The following CSMD1 variants were observed in gnomAD, a reference collection of about 807,000 sequenced individuals.
The protein encoded by CSMD1 is CUB and Sushi multiple domains 1.
Under a neutral mutation model 417.5 loss-of-function variants are expected in CSMD1, and 213 were observed. The observed-to-expected ratio is 0.51, with a 90% CI of 0.46 to 0.57. CSMD1 has a LOEUF of 0.57. CSMD1 is among the 20% of genes least tolerant of loss of function. The pLI, the probability that CSMD1 is intolerant of heterozygous loss-of-function variation, is 0.00. For missense variants in CSMD1, 6,923 were observed against 4,529.7 expected (o/e 1.53, Z -15.17); for synonymous variants, 2,862 against 1,736.8 (o/e 1.65, Z -16.11).
chr8:4,323,978 C>CA (rs767266256), intron 3 of CSMD1, among the ~76,000 whole-genome samples: 1 of 152,156 alleles, frequency 6.6e-6, no homozygotes, highest in African/African-American at 2.4e-5. Flanking sequence ...CCTGCTGCCT[C>CA]AAGGACTTCA....
chr8:3,297,476 TAAATG>T (rs1490833685), intron 25 of CSMD1, among the ~76,000 whole-genome samples: 4 of 152,272 alleles, frequency 2.6e-5, no homozygotes, highest in Non-Finnish European at 2.9e-5. Flanking sequence ...AGCAAATAGA[TAAATG>T]AAATGGAATA....
At chr8:4,983,125 C>T (rs1810988962) in intron 1 of CSMD1, among the ~76,000 whole-genome samples, 1 of 152,128 alleles carries the variant, frequency 6.6e-6, no homozygotes, top group Non-Finnish European at 1.5e-5. Flanking sequence ...GAAACAGAAA[C>T]ACAATTGAAT....
intron 3 of CSMD1, among the ~76,000 whole-genome samples, chr8:4,381,884 C>T (rs1803129862): frequency 1.3e-5 from 2 of 151,980 alleles, no homozygotes; most frequent in African/African-American, 4.8e-5. Context: ...CTTTTTGGTT[C>T]CCTGCTATAC....
chr8:4,629,881 A>C lies in CSMD1; in HGVS notation c.302+7461T>G, dbSNP rs573740445. Among the ~76,000 whole-genome samples, 18 of 152,236 alleles carry C rather than the reference A, an allele frequency of 1.2e-4. No homozygotes were observed. In the South Asian group the frequency reaches 1.7e-3, roughly 14 times the overall value. On this transcript the variant is annotated intron_variant, in intron 2 of 69. Coordinates refer to ENST00000635120, the MANE Select transcript of CSMD1 (RefSeq NM_033225.6). ...TTGTTCTTCTGTTCCCTTTGTGTAA[A>C]TCTGAATGCTTTTCCTTAGGCTTTA...
At chr8:4,694,647 G>C (rs1314349653) in intron 1 of CSMD1, among the ~76,000 whole-genome samples, 2 of 152,006 alleles carry the variant, frequency 1.3e-5, no homozygotes, top group Non-Finnish European at 2.9e-5. Context: ...ACAGCCGTGA[G>C]TCACCGCGCC....
At chr8:4,054,935 A>G (rs2740881) in intron 3 of CSMD1, among the ~76,000 whole-genome samples, 126,875 of 152,140 alleles carry the variant, frequency 0.83, 53,344 homozygotes, top group South Asian at 0.93. Context: ...TTAAATCAAT[A>G]AAGTACAAAG....
intron 2 of CSMD1, among the ~76,000 whole-genome samples, chr8:4,495,783 T>G (rs530228123): frequency 6.6e-6 from 1 of 152,212 alleles, no homozygotes; most frequent in Non-Finnish European, 1.5e-5. Flanking sequence ...CAAATATACT[T>G]TCTTAATAGC....
intron 5 of CSMD1, among the ~76,000 whole-genome samples, chr8:3,992,123 T>C (rs1341527200): frequency 4.2e-5 from 6 of 142,682 alleles, no homozygotes; most frequent in Non-Finnish European, 7.9e-5. Context: ...TGTGTATATA[T>C]ATGTGTGTGT....
At position 4,078,940 on chromosome 8, in the gene CSMD1, TA is replaced by T. The variant is rs1799980432; in HGVS notation, c.416-46842del. 2.8e-4 allele frequency among the ~76,000 whole-genome samples: 4 copies of T among 14,052 alleles called. No individual in the cohort carries two copies. In the East Asian group the frequency reaches 9.1e-3, roughly 32 times the overall value. The allele number at this position is 14,052 out of a possible 152,430, so 9.2% of individuals were successfully genotyped here. A position where few individuals can be genotyped will look rare whatever the true frequency, so the allele number is the denominator to read the frequency against. On this transcript the variant is annotated intron_variant, in intron 3 of 69. Transcript: ENST00000635120. ...ATATATATATATATATATATATATATATGTATGTTGAAAAGCTATCTTCTCT... is the reference window on the plus strand; with the variant it reads ...ATATATATATATATATATATATATATTGTATGTTGAAAAGCTATCTTCTCT...
At chr8:4,010,338 T>G (rs1816447493) in intron 4 of CSMD1, among the ~76,000 whole-genome samples, 1 of 152,238 alleles carries the variant, frequency 6.6e-6, no homozygotes, top group South Asian at 2.1e-4. Flanking sequence ...AAACCCCTAC[T>G]TGAAATCCAC....
At chr8:4,395,790 A>C (rs1256904569) in intron 3 of CSMD1, among the ~76,000 whole-genome samples, 1 of 152,200 alleles carries the variant, frequency 6.6e-6, no homozygotes, top group Non-Finnish European at 1.5e-5. Flanking sequence ...AAGAGAATAC[A>C]ATTCAATTAT....
At chr8:4,478,374 G>C (rs1800912751) in intron 2 of CSMD1, among the ~76,000 whole-genome samples, 1 of 152,102 alleles carries the variant, frequency 6.6e-6, no homozygotes, top group South Asian at 2.1e-4. Flanking sequence ...ATTAAGATTT[G>C]AAACACACAA....
intron 3 of CSMD1, among the ~76,000 whole-genome samples, chr8:4,235,894 C>T (rs1802018536): frequency 6.6e-6 from 1 of 152,172 alleles, no homozygotes; most frequent in African/African-American, 2.4e-5. Flanking sequence ...CTGACACATC[C>T]CGTAGCTGAG....
intron 18 of CSMD1, among the ~76,000 whole-genome samples, chr8:3,372,750 G>A (rs62503470): frequency 6.6e-6 from 1 of 152,104 alleles, no homozygotes; most frequent in Admixed American, 6.5e-5. Context: ...CTGTAGAATG[G>A]CCGACATTAT....
At chr8:4,110,479 A>G (rs1217845870) in intron 3 of CSMD1, among the ~76,000 whole-genome samples, 1 of 152,164 alleles carries the variant, frequency 6.6e-6, no homozygotes, top group Non-Finnish European at 1.5e-5. Flanking sequence ...TACTCCAAGA[A>G]ATGTTAACTT....
intron 12 of CSMD1, among the ~76,000 whole-genome samples, chr8:3,452,029 C>T (rs1296397564): frequency 6.6e-6 from 1 of 152,180 alleles, no homozygotes; most frequent in East Asian, 1.9e-4. Flanking sequence ...AGAGGTCCTT[C>T]ACATCCCTTG....
intron 2 of CSMD1, among the ~76,000 whole-genome samples, chr8:4,454,248 C>T (rs1424431980): frequency 1.3e-5 from 2 of 152,168 alleles, no homozygotes; most frequent in Non-Finnish European, 2.9e-5. Context: ...CCTTACAGTG[C>T]TTACCGCCTC....
intron 5 of CSMD1, among the ~76,000 whole-genome samples, chr8:3,798,735 T>A (rs891064196): frequency 3.9e-5 from 6 of 152,126 alleles, no homozygotes; most frequent in Non-Finnish European, 5.9e-5. Flanking sequence ...TATACAAAAA[T>A]GTCACTATAG....
chr8:3,377,584 C>T, intron 18 of CSMD1, among the ~76,000 whole-genome samples: 1 of 152,104 alleles, frequency 6.6e-6, no homozygotes, highest in Non-Finnish European at 1.5e-5. Context: ...TCCGTTTCTC[C>T]TAAATCATTT....
Sources: gnomAD v4.1 joint callset for allele counts (sites outside exome capture counted in the v4.1 genomes callset) on GRCh38, gnomAD v4.1.1 for gene constraint, MANE v1.5 for transcripts, NCBI Gene and HGNC (gene_info 2026-07-23, HGNC 2026-07-21) for gene names.